Variants in BMPER observed in about 807,000 individuals in gnomAD.
BMPER encodes BMP-binding endothelial regulator protein.
BMPER carries 45 observed loss-of-function variants against 87.3 expected under a neutral mutation model. The ratio of observed to expected loss-of-function variants is 0.52; its 90% CI spans 0.41 to 0.66. The LOEUF is 0.66. BMPER is among the 30% of genes least tolerant of loss of function. The pLI is 0.00. For missense variants in BMPER, 784 were observed against 867.5 expected (o/e 0.90, Z 1.21); for synonymous variants, 326 against 316.2 (o/e 1.03, Z -0.33).
intron 3 of BMPER, among the ~76,000 whole-genome samples, chr7:33,958,233 T>C (rs1785192281): frequency 6.6e-6 from 1 of 152,228 alleles, no homozygotes; most frequent in Non-Finnish European, 1.5e-5. Flanking sequence ...CTTCTTAGCA[T>C]AAACACTTCT....
At chr7:33,954,883 G>A (rs1371865190) in intron 3 of BMPER, among the ~76,000 whole-genome samples, 3 of 152,060 alleles carry the variant, frequency 2.0e-5, no homozygotes, top group Non-Finnish European at 4.4e-5. Context: ...CTGCCCATAG[G>A]TTAAGGCCTT....
intron 11 of BMPER, among the ~76,000 whole-genome samples, chr7:34,076,190 G>A (rs1028169785): frequency 3.9e-5 from 6 of 152,146 alleles, no homozygotes; most frequent in African/African-American, 1.4e-4. Flanking sequence ...CTATGAGCAA[G>A]CTCAGGCTTC....
At chr7:33,972,680 C>T (rs1028589549) in intron 5 of BMPER, among the ~76,000 whole-genome samples, 2 of 152,214 alleles carry the variant, frequency 1.3e-5, no homozygotes, top group African/African-American at 2.4e-5. Context: ...CCACACACAC[C>T]GCGAGAATTG....
At chr7:33,911,248 C>T (rs77481338) in intron 2 of BMPER, among the ~76,000 whole-genome samples, 17 of 152,282 alleles carry the variant, frequency 1.1e-4, no homozygotes, top group South Asian at 2.1e-4. Context: ...AGGATTGTGT[C>T]GGCAAATTCA....
In BMPER at chr7:34,058,084, A is replaced by G. The variant is rs779390596; in HGVS notation, c.953A>G (p.Asn318Ser). The G allele has an allele frequency of 2.8e-5, 45 of 1,613,994 alleles. No individual in the cohort carries two copies. Among genetic ancestry groups the G allele is most frequent in the Non-Finnish European group, 3.7e-5 (44 of 1,180,014 alleles). ...FQDGEMWSSI[N>S]CTICACVKGR... The stretch of plus-strand genomic sequence containing the variant: ...GATGGAGAGATGTGGTCCTCTATCA[A>G]TTGTACCATCTGTGCTTGTGTGAAA... Residue 318 changes from asparagine to serine, a missense_variant, in exon 10 of 15, where the codon AAT becomes AGT. Transcript: ENST00000649409.
chr7:33,995,952 G>T (rs569876369), intron 6 of BMPER, among the ~76,000 whole-genome samples: 1 of 152,130 alleles, frequency 6.6e-6, no homozygotes, highest in Non-Finnish European at 1.5e-5. Flanking sequence ...TCTGCTCCTC[G>T]AGCAAATAAG....
chr7:34,133,537 C>T (rs1025372180), intron 13 of BMPER, among the ~76,000 whole-genome samples: 1 of 152,126 alleles, frequency 6.6e-6, no homozygotes, highest in African/African-American at 2.4e-5. Flanking sequence ...AACTGGGCAA[C>T]TTAAGTGTTT....
chr7:34,006,204 AT>A (rs1485857000), intron 6 of BMPER, among the ~76,000 whole-genome samples: 2 of 152,044 alleles, frequency 1.3e-5, no homozygotes, highest in African/African-American at 4.8e-5. Context: ...CGAAATAGGA[AT>A]TTTTTTCTAA....
At chr7:34,143,193 T>C (rs202096174) in intron 13 of BMPER, 37 bp from the exon 14 acceptor site, 181 of 1,612,672 alleles carry the variant, frequency 1.1e-4, no homozygotes, top group Admixed American at 1.7e-5. Context: ...TGGTTTGATA[T>C]TTTTAAATGT....
chr7:34,083,070 C>T (rs896890226), intron 12 of BMPER, among the ~76,000 whole-genome samples: 5 of 152,146 alleles, frequency 3.3e-5, no homozygotes, highest in Admixed American at 6.5e-5. Flanking sequence ...ATGGTTATTT[C>T]GGTGTCTTGA....
At chr7:34,116,593 T>C (rs927901504) in intron 13 of BMPER, among the ~76,000 whole-genome samples, 3 of 152,384 alleles carry the variant, frequency 2.0e-5, no homozygotes, top group African/African-American at 7.2e-5. Flanking sequence ...TTCATTCTTT[T>C]TACCTTTCCA....
chr7:34,156,366 T>C lies in BMPER; in HGVS notation c.*3093T>C, dbSNP rs1241911866. On this transcript the variant is annotated 3_prime_UTR_variant, in exon 15 of 15. Coordinates refer to ENST00000649409, the MANE Select transcript of BMPER (RefSeq NM_001365308.1). ...TAATTAAGAAACATAACCTGGTAAG[T>C]AGTCAATAAATTTTTCTTGAATCAA... Among the ~76,000 whole-genome samples the C allele has an allele frequency of 6.6e-6, 1 of 152,232 alleles. No individual in the cohort carries two copies. The highest frequency in any genetic ancestry group is 1.5e-5 in the Non-Finnish European group (1 of 68,036).
chr7:34,106,819 C>T (rs888395251), intron 13 of BMPER, among the ~76,000 whole-genome samples: 3 of 152,214 alleles, frequency 2.0e-5, no homozygotes, highest in African/African-American at 4.8e-5. Context: ...CCAGTCAGGC[C>T]GACAGGCTTT....
chr7:34,034,892 C>T (rs1225601946), intron 6 of BMPER, among the ~76,000 whole-genome samples: 1 of 152,142 alleles, frequency 6.6e-6, no homozygotes, highest in Non-Finnish European at 1.5e-5. Flanking sequence ...TGGATTTTCT[C>T]TCAGGAGAAG....
At chr7:34,085,657 G>C in intron 12 of BMPER, 99 bp from the exon 13 acceptor site, 1 of 1,159,732 alleles carries the variant, frequency 8.6e-7, no homozygotes, top group East Asian at 2.5e-5. Flanking sequence ...CCTTATTGGA[G>C]GACAGTCAGT....
chr7:33,954,261 G>A (rs1268603944), intron 3 of BMPER, among the ~76,000 whole-genome samples: 1 of 152,074 alleles, frequency 6.6e-6, no homozygotes, highest in East Asian at 1.9e-4. Context: ...TTTTTATCTA[G>A]GTATATGGGA....
intron 9 of BMPER, 115 bp downstream of exon 9, chr7:34,055,418 T>C: frequency 7.7e-7 from 1 of 1,295,142 alleles, no homozygotes; most frequent in African/African-American, 1.5e-5. Context: ...TATACAAATG[T>C]ATATGTGTGC....
intron 6 of BMPER, among the ~76,000 whole-genome samples, chr7:34,003,362 A>G (rs1202925229): frequency 2.0e-5 from 3 of 151,952 alleles, no homozygotes; most frequent in Admixed American, 2.0e-4. Context: ...CTTTGTTCCA[A>G]TATATCTCTA....
chr7:34,106,861 A>G (rs530337203), intron 13 of BMPER, among the ~76,000 whole-genome samples: 2 of 152,180 alleles, frequency 1.3e-5, no homozygotes, highest in Admixed American at 1.3e-4. Context: ...GCCTCAGGCC[A>G]TTTTTTCTAG....
Sources: allele counts gnomAD v4.1 joint callset (sites outside exome capture counted in the v4.1 genomes callset), GRCh38; gene constraint gnomAD v4.1.1; transcripts MANE v1.5; gene names NCBI Gene and HGNC (gene_info 2026-07-23, HGNC 2026-07-21).